XKR4: variants seen among roughly 807,000 people sequenced by gnomAD.
XKR4 encodes XK-related protein 4.
XKR4 carries 12 observed loss-of-function variants against 53.9 expected under a neutral mutation model. The observed-to-expected ratio is 0.22, with a 90% CI of 0.14 to 0.36. XKR4 has a LOEUF of 0.36. XKR4 is among the 10% of genes least tolerant of loss of function. The probability of loss-of-function intolerance (pLI) is 1.00; values close to 1 mark genes in which losing one functional copy is unlikely to be tolerated. For missense variants in XKR4, 799 were observed against 859.5 expected (o/e 0.93, Z 0.88); for synonymous variants, 354 against 362.4 (o/e 0.98, Z 0.26).
chr8:55,471,530 C>A (rs1424251714), intron 2 of XKR4, among the ~76,000 whole-genome samples: 1 of 151,964 alleles, frequency 6.6e-6, no homozygotes, highest in African/African-American at 2.4e-5. Context: ...ATGTGAAGGC[C>A]ATGGATTTAG....
chr8:55,372,951 T>C (rs1804088440), intron 2 of XKR4, among the ~76,000 whole-genome samples: 1 of 152,282 alleles, frequency 6.6e-6, no homozygotes, highest in African/African-American at 2.4e-5. Flanking sequence ...GCTGATTCAA[T>C]TGGTATGTAA....
At chr8:55,378,582 C>A (rs751416404) in intron 2 of XKR4, among the ~76,000 whole-genome samples, 13 of 152,144 alleles carry the variant, frequency 8.5e-5, no homozygotes, top group Non-Finnish European at 1.6e-4. Flanking sequence ...GAAGAAGTTT[C>A]ATAGACATTG....
chr8:55,481,146 C>T (rs957195822), intron 2 of XKR4, among the ~76,000 whole-genome samples: 2 of 152,066 alleles, frequency 1.3e-5, no homozygotes, highest in Non-Finnish European at 2.9e-5. Flanking sequence ...TGACTTCAAA[C>T]TATACTACAA....
intron 1 of XKR4, among the ~76,000 whole-genome samples, chr8:55,356,731 A>G (rs1271791178): frequency 6.6e-6 from 1 of 152,192 alleles, no homozygotes; most frequent in Non-Finnish European, 1.5e-5. Context: ...AATAAAAAAG[A>G]TTGGCAATAT....
At chr8:55,496,979 C>T (rs1806361391) in intron 2 of XKR4, among the ~76,000 whole-genome samples, 1 of 152,164 alleles carries the variant, frequency 6.6e-6, no homozygotes, top group South Asian at 2.1e-4. Flanking sequence ...AAAAATGAAG[C>T]CTGTAAGATC....
At chr8:55,211,753 A>T (rs1256528201) in intron 1 of XKR4, among the ~76,000 whole-genome samples, 2 of 152,244 alleles carry the variant, frequency 1.3e-5, no homozygotes, top group South Asian at 4.1e-4. Context: ...ATAGTTTTCC[A>T]CAAGTATTCT....
At position 55,102,830 on chromosome 8, in the gene XKR4, G is replaced by T. The variant is rs1399868517; in HGVS notation, c.342G>T (p.Trp114Cys). The T allele has an allele frequency of 4.3e-6, 7 of 1,610,308 alleles. No individual in the cohort carries two copies. In the Admixed American group the frequency reaches 8.3e-5, roughly 19 times the overall value. Residue 114 changes from tryptophan (W) to cysteine (C), a missense_variant, in exon 1 of 3, where the codon TGG (tryptophan) becomes TGT (cysteine). Trp to Cys is a radical substitution (Grantham distance 215, BLOSUM62 -2). Around this residue, in one of 3 missense-constraint regions of XKR4, gnomAD observed 476 missense variants for 505.4 expected, o/e 0.94. Coordinates refer to ENST00000327381, the MANE Select transcript of XKR4 (RefSeq NM_052898.2). This position sits in a 1 kb window ranked among gnomAD's most constrained non-coding sequence, Gnocchi z 5.1. ...GCTACTCACTGTGGGACTGCCTCTG[G>T]ATCCTGGCCGCCGTGGCCGTGTACT... The part of the protein sequence containing the change: ...QRRYSLWDCL[W>C]ILAAVAVYFA...
chr8:55,300,707 C>A (rs898345142), intron 1 of XKR4, among the ~76,000 whole-genome samples: 2 of 152,056 alleles, frequency 1.3e-5, no homozygotes, highest in African/African-American at 4.8e-5. Context: ...TTCAGGGCAG[C>A]TTTACTAAAT....
intron 2 of XKR4, among the ~76,000 whole-genome samples, chr8:55,390,841 C>T (rs1437446051): frequency 6.6e-6 from 1 of 152,056 alleles, no homozygotes; most frequent in Non-Finnish European, 1.5e-5. Context: ...TGAGAGAGAC[C>T]CAGAATATAG....
chr8:55,466,843 T>C (rs1268128521), intron 2 of XKR4, among the ~76,000 whole-genome samples: 1 of 152,166 alleles, frequency 6.6e-6, no homozygotes, highest in Admixed American at 6.5e-5. Flanking sequence ...TATTTTTTGT[T>C]TGGATATCTG....
intron 2 of XKR4, among the ~76,000 whole-genome samples, chr8:55,456,570 T>C (rs975459586): frequency 2.0e-5 from 3 of 152,020 alleles, no homozygotes; most frequent in African/African-American, 7.2e-5. Context: ...TAGAGAGAAA[T>C]AGAACCCAAA....
intron 1 of XKR4, among the ~76,000 whole-genome samples, chr8:55,188,363 C>T (rs1366429123): frequency 1.3e-5 from 2 of 152,092 alleles, no homozygotes; most frequent in African/African-American, 4.8e-5. Flanking sequence ...AGAGTAATTA[C>T]TTATTTCTCC....
At chr8:55,285,012 A>T (rs985917565) in intron 1 of XKR4, among the ~76,000 whole-genome samples, 1 of 152,154 alleles carries the variant, frequency 6.6e-6, no homozygotes, top group East Asian at 1.9e-4. Flanking sequence ...GGCTCTTTTA[A>T]ATACAGCAGT....
intron 1 of XKR4, among the ~76,000 whole-genome samples, chr8:55,171,449 A>G (rs935319275): frequency 6.6e-6 from 1 of 152,164 alleles, no homozygotes; most frequent in Non-Finnish European, 1.5e-5. Context: ...GGGCTCACCT[A>G]CAACATGGAT....
intron 1 of XKR4, among the ~76,000 whole-genome samples, chr8:55,197,389 G>A (rs889150625): frequency 9.2e-5 from 14 of 152,140 alleles, no homozygotes; most frequent in African/African-American, 3.1e-4. Flanking sequence ...AACTGCTTGC[G>A]AAAAGTGGAT....
intron 1 of XKR4, among the ~76,000 whole-genome samples, chr8:55,110,931 T>C (rs1014480041): frequency 6.6e-6 from 1 of 152,100 alleles, no homozygotes; most frequent in Non-Finnish European, 1.5e-5. Context: ...CTGATATAGA[T>C]TGCTGATTGT....
intron 2 of XKR4, among the ~76,000 whole-genome samples, chr8:55,384,321 A>T: frequency 6.6e-6 from 1 of 152,346 alleles, no homozygotes; most frequent in African/African-American, 2.4e-5. Context: ...CAGGAAAGGA[A>T]AATGTGTGCT....
At chr8:55,370,443 C>A (rs1011309307) in intron 2 of XKR4, among the ~76,000 whole-genome samples, 16 of 152,246 alleles carry the variant, frequency 1.1e-4, no homozygotes, top group Admixed American at 4.6e-4. Context: ...TTTATTAAAT[C>A]TATTAAGTAG....
chr8:55,495,367 G>A (rs1022668543), intron 2 of XKR4, among the ~76,000 whole-genome samples: 15 of 152,198 alleles, frequency 9.9e-5, no homozygotes, highest in South Asian at 6.2e-4. Context: ...AGGAGCTCCC[G>A]CCCCACCCAC....
Sources: allele counts gnomAD v4.1 joint callset (sites outside exome capture counted in the v4.1 genomes callset), GRCh38; gene constraint gnomAD v4.1.1; regional missense constraint gnomAD v4.1.1; non-coding constraint Gnocchi (gnomAD v3.1); transcripts MANE v1.5; gene names NCBI Gene and HGNC (gene_info 2026-07-23, HGNC 2026-07-21).